Variants in CAMK2B observed in about 807,000 individuals in gnomAD.
CAMK2B encodes calcium/calmodulin-dependent protein kinase type II subunit beta.
A neutral mutation model predicts 93.7 loss-of-function variants in CAMK2B; 27 were observed. The observed-to-expected ratio is 0.29, with a 90% CI of 0.21 to 0.40. CAMK2B has a LOEUF of 0.40. CAMK2B is among the 10% of genes least tolerant of loss of function. The pLI is 1.00. For synonymous variants in CAMK2B, 374 were observed against 358.8 expected, an observed-to-expected ratio of 1.04 and a Z score of -0.48; for missense variants, 568 against 895.8, an observed-to-expected ratio of 0.63 and a Z score of 4.67.
Position 44,239,575 on chromosome 7 carries a change from C to T in CAMK2B, c.1021+14G>A, listed in dbSNP as rs758719189. The stretch of plus-strand genomic sequence containing the variant: ...GGGCGGGAGCGGGCGGGACGCTGGT[C>T]GAGACACATCTACCTTGTTCCACCA... On this transcript the variant is annotated intron_variant, in intron 13 of 23. Coordinates refer to ENST00000395749, the MANE Select transcript of CAMK2B (RefSeq NM_001220.5). The T allele has an allele frequency of 2.2e-5, 34 of 1,545,818 alleles. No individual in the cohort carries two copies. The highest frequency in any genetic ancestry group is 6.0e-5 in the South Asian group (5 of 83,946).
intron 19 of CAMK2B, 77 bp downstream of exon 19, chr7:44,228,719 G>A (rs1489008703): frequency 7.5e-7 from 1 of 1,339,966 alleles, no homozygotes; most frequent in Non-Finnish European, 9.8e-7. Context: ...GCATGCAGGT[G>A]GGAAGCTGCT....
At chr7:44,289,926 C>T (rs756890242) in intron 1 of CAMK2B, among the ~76,000 whole-genome samples, 1 of 152,234 alleles carries the variant, frequency 6.6e-6, no homozygotes, top group Non-Finnish European at 1.5e-5. Flanking sequence ...CTCTCTGCCT[C>T]CCGCAGCCCA....
intron 2 of CAMK2B, among the ~76,000 whole-genome samples, chr7:44,279,044 G>A (rs35206264): frequency 0.23 from 34,829 of 152,178 alleles, 4,491 homozygotes; most frequent in Middle Eastern, 0.31. Flanking sequence ...GTTCAATTCT[G>A]AGGAAACCTC....
chr7:44,223,663 C>T (rs542984274), intron 20 of CAMK2B, among the ~76,000 whole-genome samples: 3 of 151,970 alleles, frequency 2.0e-5, no homozygotes, highest in African/African-American at 7.2e-5. Flanking sequence ...TCCCCTGCCT[C>T]ATGCCTCCAC....
intron 1 of CAMK2B, among the ~76,000 whole-genome samples, chr7:44,291,410 G>C (rs921540472): frequency 2.6e-5 from 4 of 152,160 alleles, no homozygotes; most frequent in African/African-American, 9.7e-5. Context: ...AGCTCCCAGG[G>C]CTGTGTCGTC....
intron 2 of CAMK2B, among the ~76,000 whole-genome samples, chr7:44,270,486 A>C (rs1335747616): frequency 6.6e-6 from 1 of 152,184 alleles, no homozygotes; most frequent in Non-Finnish European, 1.5e-5. Flanking sequence ...CAGGGCTCTG[A>C]CCCAAGCCTG....
intron 5 of CAMK2B, among the ~76,000 whole-genome samples, chr7:44,253,519 G>T (rs1435891381): frequency 2.0e-5 from 3 of 152,168 alleles, no homozygotes; most frequent in African/African-American, 7.2e-5. Context: ...GGCCTAAAAA[G>T]AGTTTTTAAA....
intron 5 of CAMK2B, among the ~76,000 whole-genome samples, chr7:44,252,307 C>G (rs1273172856): frequency 6.6e-6 from 1 of 151,900 alleles, no homozygotes; most frequent in East Asian, 1.9e-4. Context: ...TGGGGGATAA[C>G]AGGTTGTGTC....
intron 17 of CAMK2B, 67 bp from the exon 18 acceptor site, chr7:44,229,568 A>G (rs2096558117): frequency 4.2e-6 from 2 of 478,170 alleles, no homozygotes. Flanking sequence ...CAACTGGAGA[A>G]GGACAGGGGG....
chr7:44,239,670 G>T lies in CAMK2B; in HGVS notation c.947-7C>A. The T allele has an allele frequency of 6.5e-7, 1 of 1,528,506 alleles. No individual in the cohort carries two copies. The highest frequency in any genetic ancestry group is 8.8e-7 in the Non-Finnish European group (1 of 1,130,124). The allele number at this position is 1,528,506 out of a possible 1,614,324, so 94.7% of individuals were successfully genotyped here. Reference sequence around the variant, plus strand: ...GCGGTGGTCTGTCTGCCCACTGTTAGCACCGGGTTAGAGACGAGGGGAAGG... The same window carrying T: ...GCGGTGGTCTGTCTGCCCACTGTTATCACCGGGTTAGAGACGAGGGGAAGG... On this transcript the variant is annotated splice_polypyrimidine_tract_variant and splice_region_variant and intron_variant, in intron 12 of 23. Coordinates refer to ENST00000395749, the MANE Select transcript of CAMK2B (RefSeq NM_001220.5).
At chr7:44,270,081 C>G (rs1014765871) in intron 2 of CAMK2B, among the ~76,000 whole-genome samples, 3 of 151,936 alleles carry the variant, frequency 2.0e-5, no homozygotes, top group African/African-American at 7.3e-5. Context: ...CGTACCCCCC[C>G]CCCATTCCAG....
chr7:44,247,323 G>C (rs945840425), intron 5 of CAMK2B, 131 bp from the exon 6 acceptor site: 4 of 761,736 alleles, frequency 5.3e-6, no homozygotes, highest in African/African-American at 3.4e-5. Flanking sequence ...GGTGAGAGGA[G>C]ATGCTGGCCA....
chr7:44,240,577 C>A, intron 12 of CAMK2B, 130 bp downstream of exon 12: 1 of 1,040,832 alleles, frequency 9.6e-7, no homozygotes, highest in Non-Finnish European at 1.4e-6. Flanking sequence ...GGTCTCAGAG[C>A]TGAGGGCAGA....
At chr7:44,322,279 A>T (rs1466230760) in intron 1 of CAMK2B, among the ~76,000 whole-genome samples, 1 of 152,272 alleles carries the variant, frequency 6.6e-6, no homozygotes, top group Non-Finnish European at 1.5e-5. Context: ...TATATTAGTT[A>T]TGGATACTTA....
At chr7:44,245,961 G>T (rs2096725744) in intron 6 of CAMK2B, among the ~76,000 whole-genome samples, 1 of 152,070 alleles carries the variant, frequency 6.6e-6, no homozygotes, top group Non-Finnish European at 1.5e-5. Context: ...GAGGAAAGGA[G>T]ATTGGAAGGA....
chr7:44,271,402 A>G lies in CAMK2B; in HGVS notation c.161-8338T>C, dbSNP rs903859617. ...AGCGCAGCCCTGTGTGGCACTGAGC[A>G]GCTCGGCCAGAACCTGATAGGACAT... On this transcript the variant is annotated intron_variant, in intron 2 of 23. Coordinates refer to ENST00000395749, the MANE Select transcript of CAMK2B (RefSeq NM_001220.5). This position sits in a 1 kb window ranked among gnomAD's most constrained non-coding sequence, Gnocchi z 4.2. Among the ~76,000 whole-genome samples the G allele has an allele frequency of 2.6e-5, 4 of 152,252 alleles. No individual in the cohort carries two copies. The highest frequency in any genetic ancestry group is 7.2e-5 in the African/African-American group (3 of 41,466).
chr7:44,226,383 G>A, intron 20 of CAMK2B, 133 bp downstream of exon 20: 2 of 707,106 alleles, frequency 2.8e-6, no homozygotes, highest in South Asian at 7.2e-5. Flanking sequence ...GCAATTCCCT[G>A]GGACCCAGCA....
At chr7:44,308,064 T>C (rs1282518489) in intron 1 of CAMK2B, among the ~76,000 whole-genome samples, 1 of 152,182 alleles carries the variant, frequency 6.6e-6, no homozygotes, top group Non-Finnish European at 1.5e-5. Flanking sequence ...ATTCACCTCA[T>C]GTAGCCCAAA....
At chr7:44,325,768 G>C (rs1797389448), upstream of CAMK2B, 1 of 141,254 alleles carries the variant, frequency 7.1e-6, no homozygotes, top group Non-Finnish European at 1.5e-5. Context: ...CCGGCGCCCT[G>C]CATCTGCACA....
Sources: allele counts gnomAD v4.1 joint callset (sites outside exome capture counted in the v4.1 genomes callset), GRCh38; gene constraint gnomAD v4.1.1; non-coding constraint Gnocchi (gnomAD v3.1); transcripts MANE v1.5; gene names NCBI Gene and HGNC (gene_info 2026-07-23, HGNC 2026-07-21).